The following SMYD3 variants were observed in gnomAD, a reference collection of about 807,000 sequenced individuals.
The protein encoded by SMYD3 is histone-lysine N-methyltransferase SMYD3.
SMYD3 carries 36 observed loss-of-function variants against 57.7 expected under a neutral mutation model. That is an observed-to-expected ratio of 0.62 (90% CI 0.48 to 0.82). The LOEUF is 0.82. Ranked by LOEUF, SMYD3 falls within the 40% of genes least tolerant of loss-of-function variation. SMYD3 has a pLI of 0.00. For synonymous variants in SMYD3, 211 were observed against 195.0 expected (o/e 1.08, Z -0.68); for missense variants, 515 against 538.8 (o/e 0.96, Z 0.44).
At chr1:245,802,384 ATAAGAC>A (rs1255616184) in intron 10 of SMYD3, among the ~76,000 whole-genome samples, 3 of 152,254 alleles carry the variant, frequency 2.0e-5, no homozygotes, top group African/African-American at 7.2e-5. Context: ...TCCCCAAGTC[ATAAGAC>A]AACTCTCTTT....
chr1:245,766,144 C>T (rs1414224078), intron 10 of SMYD3, among the ~76,000 whole-genome samples: 1 of 152,062 alleles, frequency 6.6e-6, no homozygotes, highest in East Asian at 1.9e-4. Context: ...GCGGCTCACA[C>T]CTGTAATCCC....
At chr1:245,810,231 C>A (rs529621381) in intron 10 of SMYD3, among the ~76,000 whole-genome samples, 1 of 152,310 alleles carries the variant, frequency 6.6e-6, no homozygotes, top group African/African-American at 2.4e-5. Context: ...TCTCACCCAA[C>A]AGGCTGGGAG....
intron 8 of SMYD3, among the ~76,000 whole-genome samples, chr1:245,873,849 G>A (rs2052351653): frequency 6.6e-6 from 1 of 152,186 alleles, no homozygotes. Context: ...TGGAACTAAG[G>A]AGGCCGGGCC....
chr1:246,191,320 G>A (rs1337883811), intron 5 of SMYD3, among the ~76,000 whole-genome samples: 2 of 152,154 alleles, frequency 1.3e-5, no homozygotes, highest in Non-Finnish European at 2.9e-5. Flanking sequence ...AACCATCACC[G>A]CAAGCTAGAG....
intron 1 of SMYD3, among the ~76,000 whole-genome samples, chr1:246,385,903 C>CT (rs890515472): frequency 2.8e-4 from 42 of 147,566 alleles, no homozygotes; most frequent in Middle Eastern, 3.5e-3. Flanking sequence ...ACACATACAC[C>CT]TTTTTTTTTT....
rs1558550858 is a variant in SMYD3, at chr1:245,976,927, CTAG to C, written c.532-46993_532-46991del. Among the ~76,000 whole-genome samples, 92 of 56,300 alleles carry C rather than the reference CTAG, an allele frequency of 1.6e-3. 12 individuals are homozygous for C. Among genetic ancestry groups the C allele is most frequent in the Admixed American group, 3.0e-3 (17 of 5,760 alleles). 36.9% of individuals were successfully genotyped at this position (56,300 alleles called of 152,430 possible). ...TCTAGCCTAGGGAAAGCCATCGTCT[CTAG>C]CCTAGGGAAAGCCATCGTCTCTAGC... On this transcript the variant is annotated intron_variant, in intron 5 of 11. Transcript: ENST00000490107.
At chr1:245,841,884 A>G (rs1275246330) in intron 10 of SMYD3, among the ~76,000 whole-genome samples, 1 of 152,228 alleles carries the variant, frequency 6.6e-6, no homozygotes, top group African/African-American at 2.4e-5. Flanking sequence ...TGGACTGCAT[A>G]TGTGATAATA....
intron 5 of SMYD3, among the ~76,000 whole-genome samples, chr1:245,966,757 C>T (rs535677378): frequency 1.3e-5 from 2 of 152,118 alleles, no homozygotes; most frequent in African/African-American, 4.8e-5. Context: ...GTGCTCAGGG[C>T]CCCTCTCCAG....
intron 10 of SMYD3, among the ~76,000 whole-genome samples, chr1:245,809,100 G>A (rs1376357662): frequency 1.3e-5 from 2 of 152,158 alleles, no homozygotes; most frequent in Non-Finnish European, 2.9e-5. Context: ...GGCTTTTCAT[G>A]AGGTCTCCAA....
At chr1:246,273,498 T>C (rs867756090) in intron 5 of SMYD3, among the ~76,000 whole-genome samples, 4 of 151,906 alleles carry the variant, frequency 2.6e-5, no homozygotes, top group African/African-American at 7.2e-5. Flanking sequence ...GGAATCTTCT[T>C]TTTTCTTAGT....
At chr1:246,428,653 A>G (rs1045717596) in intron 1 of SMYD3, among the ~76,000 whole-genome samples, 1 of 152,172 alleles carries the variant, frequency 6.6e-6, no homozygotes, top group African/African-American at 2.4e-5. Context: ...AACCCGTGCA[A>G]TCTAGACCAG....
intron 5 of SMYD3, among the ~76,000 whole-genome samples, chr1:245,940,219 A>G (rs1202796326): frequency 1.3e-4 from 20 of 152,206 alleles, no homozygotes; most frequent in Admixed American, 1.3e-3. Context: ...AGCTCTGAAG[A>G]GTCCATGCAG....
At chr1:245,815,461 G>A (rs2048750532) in intron 10 of SMYD3, among the ~76,000 whole-genome samples, 1 of 152,170 alleles carries the variant, frequency 6.6e-6, no homozygotes, top group Non-Finnish European at 1.5e-5. Context: ...AGAATAGCTG[G>A]GGAGCTAATG....
At chr1:246,191,499 AG>A (rs1002476413) in intron 5 of SMYD3, among the ~76,000 whole-genome samples, 207 of 152,370 alleles carry the variant, frequency 1.4e-3, no homozygotes, top group African/African-American at 4.8e-3. Context: ...CTGAAAGACA[AG>A]AAAATTTTAA....
intron 10 of SMYD3, among the ~76,000 whole-genome samples, chr1:245,814,729 A>G (rs923789011): frequency 2.0e-5 from 3 of 152,192 alleles, no homozygotes; most frequent in Non-Finnish European, 2.9e-5. Context: ...TCTACTAGAC[A>G]GAATTTTGGA....
intron 5 of SMYD3, among the ~76,000 whole-genome samples, chr1:246,214,016 A>G (rs750560206): frequency 8.5e-5 from 13 of 152,088 alleles, no homozygotes; most frequent in South Asian, 2.1e-4. Flanking sequence ...TCTAACACCA[A>G]CAGGCAAAAG....
intron 5 of SMYD3, among the ~76,000 whole-genome samples, chr1:245,955,401 C>CT (rs979621032): frequency 1.3e-4 from 19 of 151,442 alleles, no homozygotes; most frequent in Admixed American, 2.6e-4. Context: ...TATGTCTTTT[C>CT]TTTTTTTTTG....
chr1:245,844,993 T>G (rs572032504), intron 10 of SMYD3, among the ~76,000 whole-genome samples: 1 of 152,238 alleles, frequency 6.6e-6, no homozygotes, highest in Non-Finnish European at 1.5e-5. Flanking sequence ...TGAATTTTAC[T>G]TCCAAATGAA....
chr1:246,203,314 A>G lies in SMYD3; in HGVS notation c.531+123887T>C, dbSNP rs2148369790. Among the ~76,000 whole-genome samples, 1 of 152,294 alleles carries G rather than the reference A, an allele frequency of 6.6e-6. No homozygotes were observed. The highest frequency in any genetic ancestry group is 2.4e-5 in the African/African-American group (1 of 41,572). On this transcript the variant is annotated intron_variant, in intron 5 of 11. Coordinates refer to ENST00000490107, the MANE Select transcript of SMYD3 (RefSeq NM_001167740.2). This position sits in a 1 kb window ranked among gnomAD's most constrained non-coding sequence, Gnocchi z 4.6. ...TGTGCAAGATATTGGGGATTTGTTCAGCCACCATCAGACACAATCTCTGCT... is the reference window on the plus strand; with the variant it reads ...TGTGCAAGATATTGGGGATTTGTTCGGCCACCATCAGACACAATCTCTGCT...
Sources: allele counts gnomAD v4.1 joint callset (sites outside exome capture counted in the v4.1 genomes callset), GRCh38; gene constraint gnomAD v4.1.1; non-coding constraint Gnocchi (gnomAD v3.1); transcripts MANE v1.5; gene names NCBI Gene and HGNC (gene_info 2026-07-23, HGNC 2026-07-21).